Variants in GABRB1 observed in about 807,000 individuals in gnomAD.
The protein encoded by GABRB1 is gamma-aminobutyric acid receptor subunit beta-1.
Under a neutral mutation model 51.6 loss-of-function variants are expected in GABRB1, and 17 were observed. That is an observed-to-expected ratio of 0.33 (90% CI 0.23 to 0.49). The LOEUF is 0.49. Among genes scored for constraint, GABRB1 ranks in the 20% least tolerant of loss-of-function variants. The pLI, the probability that GABRB1 is intolerant of heterozygous loss-of-function variation, is 0.99. For synonymous variants in GABRB1, 247 were observed against 218.9 expected (o/e 1.13, Z -1.14); for missense variants, 410 against 600.6 (o/e 0.68, Z 3.32).
chr4:47,342,892 A>G (rs573343436), intron 5 of GABRB1, among the ~76,000 whole-genome samples: 30 of 152,220 alleles, frequency 2.0e-4, no homozygotes, highest in African/African-American at 7.2e-4. Flanking sequence ...ACCCTTAAGT[A>G]TTTCTTCCAA....
At chr4:47,180,998 T>C (rs28575862) in intron 4 of GABRB1, among the ~76,000 whole-genome samples, 21,022 of 151,892 alleles carry the variant, frequency 0.14, 1,905 homozygotes, top group East Asian at 0.32. Flanking sequence ...GGTATGGGGC[T>C]TTGGGTGATT....
intron 5 of GABRB1, among the ~76,000 whole-genome samples, chr4:47,373,649 G>A (rs1402744939): frequency 6.6e-6 from 1 of 152,110 alleles, no homozygotes; most frequent in East Asian, 1.9e-4. Flanking sequence ...CCAACTTTGT[G>A]GAGTCTTGAG....
chr4:47,205,196 C>A (rs1347106247), intron 4 of GABRB1, among the ~76,000 whole-genome samples: 1 of 152,148 alleles, frequency 6.6e-6, no homozygotes, highest in Non-Finnish European at 1.5e-5. Context: ...GGCAAATTTA[C>A]ATGGACTGAT....
chr4:47,005,399 C>A (rs544392596), intron 1 of GABRB1, among the ~76,000 whole-genome samples: 1 of 152,194 alleles, frequency 6.6e-6, no homozygotes, highest in Admixed American at 6.5e-5. Context: ...GCATGGGCGA[C>A]AGAGTGGGAC....
chr4:47,351,630 A>G (rs1365065356), intron 5 of GABRB1, among the ~76,000 whole-genome samples: 3 of 138,360 alleles, frequency 2.2e-5, no homozygotes, highest in Non-Finnish European at 4.6e-5. Context: ...TCATTGTTCA[A>G]TTCCCATCTA....
At chr4:47,135,388 A>G (rs888941147) in intron 3 of GABRB1, among the ~76,000 whole-genome samples, 12 of 152,112 alleles carry the variant, frequency 7.9e-5, no homozygotes, top group African/African-American at 2.9e-4. Context: ...ATGGCAGCCC[A>G]CATTACTTCC....
At chr4:47,320,912 G>T (rs1399289120) in intron 5 of GABRB1, among the ~76,000 whole-genome samples, 1 of 152,054 alleles carries the variant, frequency 6.6e-6, no homozygotes, top group Non-Finnish European at 1.5e-5. Context: ...TGGGACTATA[G>T]GCGCCCGCCA....
chr4:47,401,861 A>G (rs1210409879), intron 5 of GABRB1, among the ~76,000 whole-genome samples: 2 of 129,036 alleles, frequency 1.5e-5, no homozygotes, highest in Middle Eastern at 3.9e-3. Flanking sequence ...CTATCTATCT[A>G]TCTATCATCT....
intron 5 of GABRB1, among the ~76,000 whole-genome samples, chr4:47,384,202 C>G (rs1340254657): frequency 6.6e-6 from 1 of 152,008 alleles, no homozygotes; most frequent in Admixed American, 6.5e-5. Flanking sequence ...ACTATTAACT[C>G]TTTCCATATA....
At chr4:47,075,020 T>C (rs1028443209) in intron 3 of GABRB1, among the ~76,000 whole-genome samples, 6 of 152,164 alleles carry the variant, frequency 3.9e-5, no homozygotes, top group Non-Finnish European at 7.3e-5. Flanking sequence ...TCTTCCAAAA[T>C]TAAAAATGGC....
intron 3 of GABRB1, among the ~76,000 whole-genome samples, chr4:47,123,731 C>T (rs111216111): frequency 6.9e-5 from 5 of 72,716 alleles, no homozygotes; most frequent in African/African-American, 1.1e-4. Flanking sequence ...TATGATATAT[C>T]ATATATTATT....
intron 1 of GABRB1, among the ~76,000 whole-genome samples, chr4:46,997,021 T>C (rs1303568230): frequency 6.6e-6 from 1 of 152,164 alleles, no homozygotes; most frequent in South Asian, 2.1e-4. Context: ...AATTTTATGT[T>C]AATGTATTTC....
chr4:47,292,434 A>T (rs1005465539), intron 4 of GABRB1, among the ~76,000 whole-genome samples: 6 of 152,228 alleles, frequency 3.9e-5, no homozygotes, highest in African/African-American at 1.4e-4. Flanking sequence ...AATAATAACA[A>T]ATTATAATTG....
intron 4 of GABRB1, among the ~76,000 whole-genome samples, chr4:47,192,227 A>G (rs1719467545): frequency 6.6e-6 from 1 of 152,036 alleles, no homozygotes; most frequent in African/African-American, 2.4e-5. Flanking sequence ...CTAGTGGGAA[A>G]TGGTGTGGAA....
chr4:47,368,936 C>T (rs1222785993), intron 5 of GABRB1, among the ~76,000 whole-genome samples: 1 of 151,792 alleles, frequency 6.6e-6, no homozygotes, highest in Admixed American at 6.6e-5. Context: ...GGTGAAACAC[C>T]GTCTCTACTA....
chr4:47,081,065 A>G (rs1189842273), intron 3 of GABRB1, among the ~76,000 whole-genome samples: 1 of 152,228 alleles, frequency 6.6e-6, no homozygotes, highest in Non-Finnish European at 1.5e-5. Flanking sequence ...TATGTTTAAC[A>G]ATGAATAACG....
intron 4 of GABRB1, among the ~76,000 whole-genome samples, chr4:47,168,523 T>G (rs1718299440): frequency 6.6e-6 from 1 of 152,150 alleles, no homozygotes; most frequent in South Asian, 2.1e-4. Context: ...CCATCTCCTA[T>G]ATTAAGACTT....
intron 4 of GABRB1, among the ~76,000 whole-genome samples, chr4:47,208,172 C>T (rs1479727240): frequency 6.6e-6 from 1 of 151,922 alleles, no homozygotes; most frequent in Non-Finnish European, 1.5e-5. Context: ...GAATGAAGTT[C>T]TTATATATGC....
chr4:47,161,959 G>GA (rs575350315), intron 4 of GABRB1, among the ~76,000 whole-genome samples: 8 of 151,764 alleles, frequency 5.3e-5, no homozygotes, highest in Admixed American at 1.3e-4. Flanking sequence ...ATATACAAGT[G>GA]AAAAAAATAT....
Sources: gnomAD v4.1 joint callset for allele counts (sites outside exome capture counted in the v4.1 genomes callset) on GRCh38, gnomAD v4.1.1 for gene constraint, MANE v1.5 for transcripts, NCBI Gene and HGNC (gene_info 2026-07-23, HGNC 2026-07-21) for gene names.